CC2D2B: variants seen among roughly 807,000 people sequenced by gnomAD.
CC2D2B encodes the protein protein CC2D2B.
CC2D2B carries 128 observed loss-of-function variants against 161.2 expected under a neutral mutation model. That is an observed-to-expected ratio of 0.79 (90% CI 0.69 to 0.92). The LOEUF (loss-of-function observed/expected upper bound fraction) is 0.92. Ranked by LOEUF, CC2D2B falls within the 40% of genes least tolerant of loss-of-function variation. The pLI is 0.00. For synonymous variants in CC2D2B, 391 were observed against 449.8 expected, an observed-to-expected ratio of 0.87 and a Z score of 1.65; for missense variants, 1,173 against 1,375.1, an observed-to-expected ratio of 0.85 and a Z score of 2.32.
intron 9 of CC2D2B, among the ~76,000 whole-genome samples, chr10:95,939,974 T>C (rs755478107): frequency 2.6e-5 from 4 of 152,094 alleles, no homozygotes; most frequent in East Asian, 1.9e-4. Flanking sequence ...AATTTATAAA[T>C]AAAAGAGGTG....
At chr10:96,031,060 TAGTA>T (rs1212792979) in intron 34 of CC2D2B, among the ~76,000 whole-genome samples, 3 of 152,190 alleles carry the variant, frequency 2.0e-5, no homozygotes, top group African/African-American at 7.2e-5. Context: ...ACCCAACACC[TAGTA>T]AGTATTTAGT....
chr10:95,965,770 T>G, intron 12 of CC2D2B, 126 bp from the exon 13 acceptor site: 1 of 378,116 alleles, frequency 2.6e-6, no homozygotes, highest in East Asian at 3.7e-5. Flanking sequence ...TAAAATTACT[T>G]GTAAGAGATT....
chr10:95,943,036 C>T (rs947599656), intron 9 of CC2D2B, among the ~76,000 whole-genome samples: 2 of 152,022 alleles, frequency 1.3e-5, no homozygotes, highest in African/African-American at 4.8e-5. Flanking sequence ...TTCCTTAATT[C>T]CTGTGGTCCC....
chr10:95,910,821 A>G (rs2098505009), intron 1 of CC2D2B, among the ~76,000 whole-genome samples: 1 of 151,872 alleles, frequency 6.6e-6, no homozygotes, highest in Non-Finnish European at 1.5e-5. Flanking sequence ...TTTTGGGGGG[A>G]AGGGAATTCA....
chr10:95,991,120 G>T (rs567942720), intron 20 of CC2D2B, among the ~76,000 whole-genome samples: 3 of 152,252 alleles, frequency 2.0e-5, no homozygotes, highest in African/African-American at 7.2e-5. Context: ...AAGAGTTTAG[G>T]ATGAGATGAA....
Position 95,938,891 on chromosome 10 carries a change from C to A in CC2D2B, c.767C>A (p.Pro256His), listed in dbSNP as rs746312208. Reference protein sequence around the residue: ...WNFRLNVRKEPLNPLLKTIYR... With the variant: ...WNFRLNVRKEHLNPLLKTIYR... Reference sequence around the variant, plus strand: ...TTCAGACTAAATGTAAGGAAGGAACCTTTAAATCCATTACTTAAGACCATA... The same window carrying A: ...TTCAGACTAAATGTAAGGAAGGAACATTTAAATCCATTACTTAAGACCATA... The change falls in exon 9 of 35, where the codon CCT (proline) becomes CAT (histidine). Residue 256 changes from proline (P) to histidine (H), a missense_variant. Pro to His is a moderately conservative substitution (Grantham distance 77, BLOSUM62 -2). Coordinates refer to ENST00000646931, the MANE Select transcript of CC2D2B (RefSeq NM_001349008.3). 14 of 713,678 alleles carry A rather than the reference C, an allele frequency of 2.0e-5. No individual in the cohort carries two copies. The highest frequency in any genetic ancestry group is 3.6e-5 in the Non-Finnish European group (14 of 383,876). 44.2% of individuals were successfully genotyped at this position (713,678 alleles called of 1,614,324 possible).
rs1002250102 is a variant in CC2D2B, at chr10:96,033,745, A to G, written c.*1737A>G. ...TCAATTAAATTTTTTCCTGAAAATC[A>G]TGAAATTATCTGTAATGAATCTTTT... On this transcript the variant is annotated 3_prime_UTR_variant, in exon 35 of 35. Transcript: ENST00000646931. Among the ~76,000 whole-genome samples, 1 of 152,226 alleles carries G rather than the reference A, an allele frequency of 6.6e-6. No individual in the cohort carries two copies. Among genetic ancestry groups the G allele is most frequent in the African/African-American group, 2.4e-5 (1 of 41,474 alleles).
At chr10:96,007,803 A>G (rs1027388019) in intron 25 of CC2D2B, among the ~76,000 whole-genome samples, 2 of 152,118 alleles carry the variant, frequency 1.3e-5, no homozygotes, top group Non-Finnish European at 2.9e-5. Flanking sequence ...AAAGTGGAGT[A>G]GATCATAGGG....
rs200320663 is a variant in CC2D2B at position 96,031,972 on chromosome 10, G to T, written c.4278G>T (p.Val1426=). The T allele has an allele frequency of 1.4e-5, 22 of 1,613,432 alleles. No homozygotes were observed. Among genetic ancestry groups the T allele is most frequent in the Middle Eastern group, 3.3e-4 (2 of 6,076 alleles). The change falls in exon 35 of 35, where the codon GTG becomes GTT. Residue 1426 remains valine (V), a synonymous_variant. Coordinates refer to ENST00000646931, the MANE Select transcript of CC2D2B (RefSeq NM_001349008.3). ...CATACCCAAACAACATATTATCTGT[G>T]TGGGTCTATTTGGCTTCCTTAGTTC... ...IHPYPNNILS[V]WVYLASLVQH... is the part of the protein sequence containing the mutation.
intron 10 of CC2D2B, among the ~76,000 whole-genome samples, chr10:95,953,664 C>G (rs2076479808): frequency 6.6e-6 from 1 of 152,158 alleles, no homozygotes; most frequent in Non-Finnish European, 1.5e-5. Context: ...TCAGTTACTT[C>G]AGACAATAAG....
In CC2D2B at chr10:95,924,323, C is replaced by A; in HGVS notation, c.107C>A (p.Ala36Glu). Reference sequence around the variant, plus strand: ...GTTGGTTTCCTGATAGATTTAGATGCAGAAGAAAATCAAAATGTAGCAAAG... The same window carrying A: ...GTTGGTTTCCTGATAGATTTAGATGAAGAAGAAAATCAAAATGTAGCAAAG... The part of the protein sequence containing the change: ...IDKHLQKDLD[A>E]EENQNVAKTL... The change falls in exon 4 of 35, where the codon GCA becomes GAA. Residue 36 changes from alanine (A) to glutamate (E), a missense_variant. Around this residue, in one of 3 missense-constraint regions of CC2D2B, gnomAD observed 298 missense variants for 261.2 expected, o/e 1.14. Transcript: ENST00000646931. The A allele has an allele frequency of 6.6e-7, 1 of 1,503,942 alleles. No homozygotes were observed. Among genetic ancestry groups the A allele is most frequent in the Non-Finnish European group, 8.9e-7 (1 of 1,120,138 alleles). 93.2% of individuals were successfully genotyped at this position (1,503,942 alleles called of 1,614,324 possible). A position where few individuals can be genotyped will look rare whatever the true frequency, so the allele number is the denominator to read the frequency against.
intron 33 of CC2D2B, among the ~76,000 whole-genome samples, chr10:96,025,195 ATATAT>A (rs2079701160): frequency 1.8e-4 from 5 of 27,798 alleles, no homozygotes; most frequent in Admixed American, 4.1e-4. Context: ...AAAAAAAAAT[ATATAT>A]ATATATATAT....
At chr10:95,993,395 G>A (rs1373188582) in intron 22 of CC2D2B, among the ~76,000 whole-genome samples, 4 of 152,102 alleles carry the variant, frequency 2.6e-5, no homozygotes, top group African/African-American at 4.8e-5. Flanking sequence ...AATGCCTTAA[G>A]AATGTTAGGC....
intron 26 of CC2D2B, among the ~76,000 whole-genome samples, chr10:96,011,539 A>C (rs960059572): frequency 6.6e-6 from 1 of 152,104 alleles, no homozygotes; most frequent in East Asian, 1.9e-4. Context: ...AGCACTCAGT[A>C]ACTATTAGCT....
chr10:95,928,511 C>A (rs916392571), intron 6 of CC2D2B, among the ~76,000 whole-genome samples: 1 of 152,114 alleles, frequency 6.6e-6, no homozygotes, highest in Non-Finnish European at 1.5e-5. Flanking sequence ...TTGCACCCAT[C>A]AACCCGTCAT....
chr10:95,922,852 T>G (rs951960553), intron 3 of CC2D2B, among the ~76,000 whole-genome samples: 2 of 151,530 alleles, frequency 1.3e-5, no homozygotes, highest in Non-Finnish European at 2.9e-5. Flanking sequence ...AAGGCTGGAG[T>G]GAAGTAGTGC....
chr10:95,918,057 A>T (rs184793049), intron 2 of CC2D2B, among the ~76,000 whole-genome samples: 2 of 152,264 alleles, frequency 1.3e-5, no homozygotes, highest in Admixed American at 1.3e-4. Context: ...GATTACAGGT[A>T]TGAGCCACCG....
At chr10:95,956,766 G>A (rs562309330) in intron 11 of CC2D2B, among the ~76,000 whole-genome samples, 13 of 152,208 alleles carry the variant, frequency 8.5e-5, no homozygotes, top group African/African-American at 2.9e-4. Flanking sequence ...TATAACTTAT[G>A]CACATCCTCT....
chr10:96,019,841 C>T lies in CC2D2B; in HGVS notation c.3888+17C>T. ...AGCATACAGGTAAATCATATTTTCCCAGGGGTGTCTGTATGAGAGTTACCA... is the reference window on the plus strand; with the variant it reads ...AGCATACAGGTAAATCATATTTTCCTAGGGGTGTCTGTATGAGAGTTACCA... On this transcript the variant is annotated intron_variant, in intron 32 of 34. Transcript: ENST00000646931. The T allele has an allele frequency of 6.3e-7, 1 of 1,595,612 alleles. No homozygotes were observed. Among genetic ancestry groups the T allele is most frequent in the Non-Finnish European group, 8.5e-7 (1 of 1,174,594 alleles).
Sources: allele counts gnomAD v4.1 joint callset (sites outside exome capture counted in the v4.1 genomes callset), GRCh38; gene constraint gnomAD v4.1.1; regional missense constraint gnomAD v4.1.1; transcripts MANE v1.5; gene names NCBI Gene and HGNC (gene_info 2026-07-23, HGNC 2026-07-21).